The following ENOX1 variants were observed in gnomAD, a reference collection of about 807,000 sequenced individuals.
The protein encoded by ENOX1 is ecto-NOX disulfide-thiol exchanger 1, also known as candidate growth-related and time keeping constitutive hydroquinone (NADH) oxidase.
ENOX1 carries 42 observed loss-of-function variants against 82.5 expected under a neutral mutation model. The ratio of observed to expected loss-of-function variants is 0.51; its 90% CI spans 0.40 to 0.66. The LOEUF is 0.66. Among genes scored for constraint, ENOX1 ranks in the 30% least tolerant of loss-of-function variants. ENOX1 has a pLI of 0.00. For synonymous variants in ENOX1, 271 were observed against 282.2 expected (o/e 0.96, Z 0.40); for missense variants, 608 against 811.6 (o/e 0.75, Z 3.05).
At chr13:43,768,822 G>A (rs1212455136) in intron 1 of ENOX1, among the ~76,000 whole-genome samples, 2 of 152,064 alleles carry the variant, frequency 1.3e-5, no homozygotes, top group Non-Finnish European at 2.9e-5. Flanking sequence ...CTTTGTCATT[G>A]TCAATCCGAT....
rs553813066 is a variant in ENOX1, at chr13:43,506,488, A to G, written c.-218-22336T>C. On this transcript the variant is annotated intron_variant, in intron 2 of 16. Coordinates refer to ENST00000690772, the MANE Select transcript of ENOX1 (RefSeq NM_001347969.2). ...TGACCCAGCCATCCCATTACTGGGT[A>G]TATACCCAAAGGATTATAAATCATG... is the stretch of plus-strand genomic sequence containing the variant. 1.2e-3 allele frequency among the ~76,000 whole-genome samples: 177 copies of G among 141,680 alleles called. 2 individuals carry two copies. Among genetic ancestry groups the G allele is most frequent in the African/African-American group, 4.2e-3 (167 of 39,454 alleles). The allele number at this position is 141,680 out of a possible 152,430, so 92.9% of individuals were successfully genotyped here. A position where few individuals can be genotyped will look rare whatever the true frequency, so the allele number is the denominator to read the frequency against.
intron 3 of ENOX1, among the ~76,000 whole-genome samples, chr13:43,443,011 C>G (rs998492480): frequency 2.0e-5 from 3 of 152,036 alleles, no homozygotes; most frequent in African/African-American, 7.2e-5. Flanking sequence ...TATAGAAATG[C>G]CTTTATCATT....
intron 1 of ENOX1, among the ~76,000 whole-genome samples, chr13:43,731,026 C>T (rs1403995165): frequency 1.3e-5 from 2 of 152,168 alleles, no homozygotes; most frequent in Non-Finnish European, 2.9e-5. Flanking sequence ...GTTTCTTACT[C>T]ATCTGCGTAT....
At chr13:43,543,270 G>A (rs2078823549) in intron 2 of ENOX1, among the ~76,000 whole-genome samples, 1 of 152,148 alleles carries the variant, frequency 6.6e-6, no homozygotes, top group Non-Finnish European at 1.5e-5. Flanking sequence ...TGGGGGATCA[G>A]ATAGAGCCCT....
chr13:43,360,421 G>A (rs1024032876), intron 6 of ENOX1, among the ~76,000 whole-genome samples: 3 of 152,054 alleles, frequency 2.0e-5, no homozygotes, highest in South Asian at 2.1e-4. Flanking sequence ...AAACCTCAGC[G>A]TGTTATCTGC....
intron 3 of ENOX1, among the ~76,000 whole-genome samples, chr13:43,436,555 G>GA (rs1310670387): frequency 6.6e-6 from 1 of 152,178 alleles, no homozygotes; most frequent in African/African-American, 2.4e-5. Flanking sequence ...GGAATGGCAG[G>GA]AGTCTGTTCA....
chr13:43,675,232 T>A (rs1245587522), intron 1 of ENOX1, among the ~76,000 whole-genome samples: 1 of 152,108 alleles, frequency 6.6e-6, no homozygotes, highest in Non-Finnish European at 1.5e-5. Flanking sequence ...CAGAAGTAGA[T>A]GGATTTAAAG....
intron 3 of ENOX1, among the ~76,000 whole-genome samples, chr13:43,450,501 G>C (rs569306645): frequency 6.6e-6 from 1 of 152,220 alleles, no homozygotes; most frequent in Non-Finnish European, 1.5e-5. Context: ...GAGGCACCAG[G>C]GTCAGTAGGA....
intron 2 of ENOX1, among the ~76,000 whole-genome samples, chr13:43,538,518 TTTC>T (rs2078565439): frequency 1.3e-5 from 2 of 152,332 alleles, no homozygotes; most frequent in African/African-American, 2.4e-5. Context: ...TCATGTGCTT[TTTC>T]TTCTTTATAA....
intron 2 of ENOX1, among the ~76,000 whole-genome samples, chr13:43,534,469 A>G (rs1376608333): frequency 1.3e-5 from 2 of 152,166 alleles, no homozygotes; most frequent in Admixed American, 6.5e-5. Context: ...AAAAAAGGAA[A>G]AAAAACAACT....
chr13:43,597,950 A>G (rs960066792), intron 2 of ENOX1, among the ~76,000 whole-genome samples: 1 of 152,186 alleles, frequency 6.6e-6, no homozygotes, highest in African/African-American at 2.4e-5. Context: ...AGCAAGGCCT[A>G]TCCTGCCCAT....
At chr13:43,541,236 C>T (rs2078712587) in intron 2 of ENOX1, among the ~76,000 whole-genome samples, 1 of 129,932 alleles carries the variant, frequency 7.7e-6, no homozygotes, top group South Asian at 2.8e-4. Flanking sequence ...CTGTGGCTCA[C>T]ACCTGTAATC....
chr13:43,546,905 T>C (rs1253865085), intron 2 of ENOX1: 1 of 152,254 alleles, frequency 6.6e-6, no homozygotes, highest in Non-Finnish European at 1.5e-5. Context: ...TCCTGTTCAT[T>C]GTCAGATTGG....
intron 1 of ENOX1, among the ~76,000 whole-genome samples, chr13:43,671,780 A>G (rs1412398792): frequency 6.6e-6 from 1 of 152,114 alleles, no homozygotes; most frequent in Non-Finnish European, 1.5e-5. Flanking sequence ...AAGGATCCCT[A>G]TCTCTCTGGA....
intron 1 of ENOX1, among the ~76,000 whole-genome samples, chr13:43,695,079 G>A (rs2086565355): frequency 6.6e-6 from 1 of 152,130 alleles, no homozygotes; most frequent in Non-Finnish European, 1.5e-5. Flanking sequence ...ATCCTGCAAG[G>A]CAGACTTAGT....
intron 2 of ENOX1, among the ~76,000 whole-genome samples, chr13:43,602,634 T>C (rs1320723033): frequency 6.6e-6 from 1 of 151,964 alleles, no homozygotes; most frequent in Non-Finnish European, 1.5e-5. Context: ...AATTTGACAA[T>C]AAATATAAAA....
intron 3 of ENOX1, among the ~76,000 whole-genome samples, chr13:43,479,772 G>C (rs779282427): frequency 9.2e-5 from 14 of 152,158 alleles, no homozygotes; most frequent in Non-Finnish European, 2.1e-4. Flanking sequence ...GGCACTGTCA[G>C]CTCTAAGTGA....
chr13:43,276,274 T>G (rs1453945354), intron 12 of ENOX1, among the ~76,000 whole-genome samples: 1 of 152,200 alleles, frequency 6.6e-6, no homozygotes, highest in Non-Finnish European at 1.5e-5. Flanking sequence ...TAACATTTGC[T>G]CTACGTGGCA....
At chr13:43,241,954 C>A (rs1272143750) in intron 14 of ENOX1, among the ~76,000 whole-genome samples, 1 of 152,148 alleles carries the variant, frequency 6.6e-6, no homozygotes, top group Non-Finnish European at 1.5e-5. Flanking sequence ...AAGAAAATGG[C>A]TTCCCTGCCT....
Sources: gnomAD v4.1 joint callset for allele counts (sites outside exome capture counted in the v4.1 genomes callset) on GRCh38, gnomAD v4.1.1 for gene constraint, MANE v1.5 for transcripts, NCBI Gene and HGNC (gene_info 2026-07-23, HGNC 2026-07-21) for gene names.